BCL2L14: variants seen among roughly 807,000 people sequenced by gnomAD.
BCL2L14 encodes BCL2 like 14.
Under a neutral mutation model 35.3 loss-of-function variants are expected in BCL2L14, and 27 were observed. The observed-to-expected ratio is 0.76, with a 90% confidence interval of 0.56 to 1.05. The LOEUF (loss-of-function observed/expected upper bound fraction) is 1.05. BCL2L14 is among the 50% of genes least tolerant of loss of function. BCL2L14 has a pLI of 0.00. For synonymous variants in BCL2L14, 139 were observed against 145.9 expected (o/e 0.95, Z 0.34); for missense variants, 377 against 382.6 (o/e 0.99, Z 0.12).
At chr12:12,094,570 T>G in intron 4 of BCL2L14, 94 bp from the exon 5 acceptor site, 1 of 1,614,224 alleles carries the variant, frequency 6.2e-7, no homozygotes, top group Non-Finnish European at 8.5e-7. Flanking sequence ...TTCCACAGGA[T>G]GGTTTGATGG....
chr12:12,050,793 T>TAAAAAAAAAAAAAAAAAAAAAAAAAAAA (rs3052084), intron 1 of BCL2L14, among the ~76,000 whole-genome samples: 3 of 88,288 alleles, frequency 3.4e-5, no homozygotes, highest in African/African-American at 5.2e-5. Flanking sequence ...GCTGATGAGC[T>TAAAAAAAAAAAAAAAAAAAAAAAAAAAA]AAAAAAAAAA....
rs150387631 is a variant in BCL2L14, at chr12:12,074,730, C to T, written c.-8+3593C>T. On this transcript the variant is annotated intron_variant, in intron 1 of 5. Coordinates refer to ENST00000308721, the MANE Select transcript of BCL2L14 (RefSeq NM_138723.2). ...CTAGGATTACAGGCGTGAGCCACCGCGCCCAGCCCAGATATGTACTTTTTA... is the reference window on the plus strand; with the variant it reads ...CTAGGATTACAGGCGTGAGCCACCGTGCCCAGCCCAGATATGTACTTTTTA... Among the ~76,000 whole-genome samples the T allele has an allele frequency of 5.3e-3, 805 of 152,218 alleles. 6 individuals are homozygous for T. The highest frequency in any genetic ancestry group is 0.018 in the African/African-American group (762 of 41,554).
At chr12:12,096,435 A>G (rs1382245591) in intron 5 of BCL2L14, among the ~76,000 whole-genome samples, 2 of 134,992 alleles carry the variant, frequency 1.5e-5, no homozygotes, top group Non-Finnish European at 3.3e-5. Context: ...AAGAATGTGA[A>G]AAAAAAAAAA....
At chr12:12,091,913 C>T (rs1949197503) in intron 4 of BCL2L14, among the ~76,000 whole-genome samples, 1 of 152,110 alleles carries the variant, frequency 6.6e-6, no homozygotes, top group South Asian at 2.1e-4. Context: ...ATTGATTTCT[C>T]CTTATGGTAA....
At chr12:12,071,295 T>C (rs1452808364) in intron 1 of BCL2L14, among the ~76,000 whole-genome samples, 158 bp downstream of exon 1, 1 of 152,162 alleles carries the variant, frequency 6.6e-6, no homozygotes, top group Non-Finnish European at 1.5e-5. Flanking sequence ...CAAAATGACA[T>C]TGAGAATCTA....
At chr12:12,091,480 G>C (rs1949187037) in intron 4 of BCL2L14, among the ~76,000 whole-genome samples, 1 of 152,176 alleles carries the variant, frequency 6.6e-6, no homozygotes, top group South Asian at 2.1e-4. Context: ...ATGCCTCCTG[G>C]GTCCATAACC....
chr12:12,098,857 C>A, intron 5 of BCL2L14, 93 bp from the exon 6 acceptor site: 1 of 914,640 alleles, frequency 1.1e-6, no homozygotes, highest in South Asian at 1.3e-5. Context: ...AGCCTCGGGT[C>A]ACGCCTGGGA....
intron 1 of BCL2L14, among the ~76,000 whole-genome samples, chr12:12,073,038 C>T (rs1948701368): frequency 6.6e-6 from 1 of 152,104 alleles, no homozygotes; most frequent in Non-Finnish European, 1.5e-5. Context: ...AGGTGCACAC[C>T]ACCACGCCCA....
chr12:12,052,457 G>A (rs150177038), intron 2 of BCL2L14, among the ~76,000 whole-genome samples: 131 of 152,268 alleles, frequency 8.6e-4, no homozygotes, highest in Admixed American at 2.0e-3. Flanking sequence ...CTACCTATGA[G>A]TGAGATCGTG....
rs1394674003 is a variant in BCL2L14, at chr12:12,079,717, G to A, written c.412G>A (p.Glu138Lys). The A allele has an allele frequency of 6.2e-7, 1 of 1,613,862 alleles. No individual in the cohort carries two copies. The highest frequency in any genetic ancestry group is 1.3e-5 in the African/African-American group (1 of 74,938). ...GTGGTCCAGGTGTCTTTCTAACGTG[G>A]AGCAGTGCTTGGAGCATGAAGGTAG... ...QQWSRCLSNVEQCLEHEAVDP... is the reference protein window; with the variant it reads ...QQWSRCLSNVKQCLEHEAVDP... The change falls in exon 2 of 6, where the codon GAG (glutamate) becomes AAG (lysine). Residue 138 changes from glutamate (E) to lysine (K), a missense_variant. Transcript: ENST00000308721.
chr12:12,061,230 T>C lies in BCL2L14; in HGVS notation c.-272+9383T>C, dbSNP rs1028749598. Among the ~76,000 whole-genome samples, 2 of 151,376 alleles carry C rather than the reference T, an allele frequency of 1.3e-5. 1 individual carries two copies. The highest frequency in any genetic ancestry group is 1.3e-4 in the Admixed American group (2 of 15,140). On this transcript the variant is annotated intron_variant, in intron 2 of 3. Transcript: ENST00000461264. The stretch of plus-strand genomic sequence containing the variant: ...CCTAATTACCACCTTTTCCCTCAGT[T>C]CAAAGCCTCCTTCACATCCTCCCCT...
Position 12,085,026 on chromosome 12 carries a change from G to A in BCL2L14, c.434-2187G>A, listed in dbSNP as rs112285575. Among the ~76,000 whole-genome samples the A allele has an allele frequency of 6.8e-3, 1,004 of 147,644 alleles. 13 individuals carry two copies. The highest frequency in any genetic ancestry group is 0.024 in the African/African-American group (943 of 39,822). On this transcript the variant is annotated intron_variant, in intron 2 of 5. Transcript: ENST00000308721. ...TTGAACCCAGAAGGTGGAGGTTGCA[G>A]CGAGCCGAGATCGTGCCATTGCACT...
In BCL2L14 at chr12:12,094,752, G is replaced by C. The variant is rs1015589120; in HGVS notation, c.767G>C (p.Gly256Ala). ...FKTITDQVLM[G>A]VDPRGESEVK... ...ACCATCACAGACCAGGTCCTAATGG[G>C]TGTGGACCCCAGGGGAGAATCAGAG... Residue 256 changes from glycine (G) to alanine (A), a missense_variant, in exon 5 of 6, where the codon GGT becomes GCT. Transcript: ENST00000308721. 13 of 1,614,096 alleles carry C rather than the reference G, an allele frequency of 8.1e-6. No individual in the cohort carries two copies. The highest frequency in any genetic ancestry group is 1.0e-5 in the Non-Finnish European group (12 of 1,180,050).
At chr12:12,050,124 A>C (rs1023108546) in intron 1 of BCL2L14, among the ~76,000 whole-genome samples, 5 of 152,204 alleles carry the variant, frequency 3.3e-5, no homozygotes, top group Non-Finnish European at 5.9e-5. Flanking sequence ...GAACCTTAGG[A>C]ATGAGGCCAG....
intron 1 of BCL2L14, among the ~76,000 whole-genome samples, chr12:12,076,400 G>A (rs1948782297): frequency 6.6e-6 from 1 of 152,172 alleles, no homozygotes; most frequent in Non-Finnish European, 1.5e-5. Context: ...GATTGTCCAA[G>A]CCCTGGAATA....
At position 12,087,433 on chromosome 12, in the gene BCL2L14, G is replaced by A. The variant is rs762935237; in HGVS notation, c.607+47G>A. 1.9e-5 allele frequency: 30 copies of A among 1,593,114 alleles called. No homozygotes were observed. The South Asian group carries it at 3.4e-4, about 18-fold the overall frequency. On this transcript the variant is annotated intron_variant, in intron 3 of 5. Coordinates refer to ENST00000308721, the MANE Select transcript of BCL2L14 (RefSeq NM_138723.2). The stretch of plus-strand genomic sequence containing the variant: ...GGAGTGTTTGCCAGGCAGGGGCGCA[G>A]GAGCATTTGTGTATTTATCCATCCC...
intron 2 of BCL2L14, among the ~76,000 whole-genome samples, chr12:12,053,967 C>A (rs918149410): frequency 6.6e-6 from 1 of 152,140 alleles, no homozygotes; most frequent in African/African-American, 2.4e-5. Context: ...TTTCACCCTA[C>A]TATAATTTTG....
At chr12:12,095,638 G>C (rs1290059769) in intron 5 of BCL2L14, 2 of 985,162 alleles carry the variant, frequency 2.0e-6, no homozygotes, top group South Asian at 4.7e-5. Context: ...ATTCCTAGGC[G>C]GACAGACCTT....
At chr12:12,082,728 A>G (rs1948954595) in intron 2 of BCL2L14, among the ~76,000 whole-genome samples, 1 of 152,194 alleles carries the variant, frequency 6.6e-6, no homozygotes, top group African/African-American at 2.4e-5. Context: ...ATTCTCCATA[A>G]AAAATGAAAA....
Sources: gnomAD v4.1 joint callset for allele counts (sites outside exome capture counted in the v4.1 genomes callset) on GRCh38, gnomAD v4.1.1 for gene constraint, MANE v1.5 for transcripts, NCBI Gene and HGNC (gene_info 2026-07-23, HGNC 2026-07-21) for gene names.